CTNNA3: variants seen among roughly 807,000 people sequenced by gnomAD.
CTNNA3 encodes catenin alpha 3, also known as catenin alpha-3.
In CTNNA3, 76 loss-of-function variants were observed where a neutral mutation model predicts 95.7. That is an observed-to-expected ratio of 0.79 (90% CI 0.66 to 0.96). The LOEUF is 0.96. CTNNA3 is among the 40% of genes least tolerant of loss of function. CTNNA3 has a pLI of 0.00. For synonymous variants in CTNNA3, 431 were observed against 374.4 expected, an observed-to-expected ratio of 1.15 and a Z score of -1.74; for missense variants, 1,191 against 1,089.8, an observed-to-expected ratio of 1.09 and a Z score of -1.31.
intron 9 of CTNNA3, among the ~76,000 whole-genome samples, chr10:66,686,084 A>G (rs10740252): frequency 0.55 from 83,747 of 151,556 alleles, 23,838 homozygotes; most frequent in African/African-American, 0.68. Context: ...GCTTACGCCA[A>G]TACAGGAATT....
chr10:67,631,406 G>T (rs1254049487), intron 2 of CTNNA3, among the ~76,000 whole-genome samples: 1 of 152,128 alleles, frequency 6.6e-6, no homozygotes, highest in African/African-American at 2.4e-5. Flanking sequence ...TCAGAAGTTA[G>T]AGTGACATAA....
intron 13 of CTNNA3, among the ~76,000 whole-genome samples, chr10:66,257,263 G>A (rs1311095435): frequency 6.6e-6 from 1 of 152,142 alleles, no homozygotes; most frequent in Non-Finnish European, 1.5e-5. Flanking sequence ...ATAGATACAG[G>A]GGCCAGTTAT....
chr10:66,078,061 G>A (rs2080610498), intron 14 of CTNNA3, among the ~76,000 whole-genome samples: 1 of 151,676 alleles, frequency 6.6e-6, no homozygotes, highest in African/African-American at 2.4e-5. Context: ...TTTTCCACTT[G>A]ATATCTTACT....
chr10:66,528,652 G>A (rs980344438), intron 10 of CTNNA3, among the ~76,000 whole-genome samples: 1 of 152,152 alleles, frequency 6.6e-6, no homozygotes, highest in Admixed American at 6.5e-5. Flanking sequence ...GTAATTTCAG[G>A]TGTTTTACAG....
At chr10:67,491,290 T>A (rs551197022) in intron 5 of CTNNA3, among the ~76,000 whole-genome samples, 7 of 152,240 alleles carry the variant, frequency 4.6e-5, no homozygotes, top group Admixed American at 2.0e-4. Context: ...TATTAAAACA[T>A]TAAAAATCAA....
intron 15 of CTNNA3, among the ~76,000 whole-genome samples, chr10:66,028,554 A>G (rs2079386678): frequency 1.3e-5 from 2 of 149,360 alleles, no homozygotes; most frequent in South Asian, 4.4e-4. Context: ...ATGAGGACAC[A>G]TGGACACAGG....
chr10:67,704,525 G>A (rs997419162), intron 1 of CTNNA3, among the ~76,000 whole-genome samples: 11 of 152,198 alleles, frequency 7.2e-5, no homozygotes, highest in Non-Finnish European at 1.2e-4. Flanking sequence ...AAGCAATGGG[G>A]AAAGGATTCC....
At chr10:66,784,785 G>C (rs1454977895) in intron 7 of CTNNA3, among the ~76,000 whole-genome samples, 1 of 152,122 alleles carries the variant, frequency 6.6e-6, no homozygotes, top group East Asian at 1.9e-4. Flanking sequence ...ATTAGGGAAG[G>C]TTTATTGGAG....
At chr10:66,606,423 A>G (rs1406067225) in intron 10 of CTNNA3, among the ~76,000 whole-genome samples, 3 of 152,178 alleles carry the variant, frequency 2.0e-5, no homozygotes, top group African/African-American at 4.8e-5. Context: ...CGGACCTGAG[A>G]GACATCTACA....
At chr10:66,398,409 C>G (rs868616670) in intron 11 of CTNNA3, among the ~76,000 whole-genome samples, 3 of 151,822 alleles carry the variant, frequency 2.0e-5, no homozygotes, top group African/African-American at 7.2e-5. Context: ...GCAGTTACAA[C>G]AATTGCATGG....
intron 9 of CTNNA3, among the ~76,000 whole-genome samples, chr10:66,756,772 G>T (rs985328279): frequency 1.3e-5 from 2 of 152,062 alleles, no homozygotes; most frequent in Non-Finnish European, 2.9e-5. Flanking sequence ...TTCCCTTCCT[G>T]TATTTTACTA....
Position 66,318,276 on chromosome 10 carries a change from A to ATATGTGTGTGTGTG in CTNNA3, c.1733-37656_1733-37655insCACACACACACATA, listed in dbSNP as rs33943741. Among the ~76,000 whole-genome samples the ATATGTGTGTGTGTG allele has an allele frequency of 3.7e-3, 511 of 136,638 alleles. 5 individuals are homozygous for ATATGTGTGTGTGTG. The highest frequency in any genetic ancestry group is 7.5e-3 in the African/African-American group (277 of 37,020). 89.6% of individuals were successfully genotyped at this position (136,638 alleles called of 152,430 possible). On this transcript the variant is annotated intron_variant, in intron 12 of 17. Transcript: ENST00000433211. The stretch of plus-strand genomic sequence containing the variant: ...GTTGCTGGGAGATATATATATATAT[A>ATATGTGTGTGTGTG]TGTGTGTGTGTGTGTGTGTGTGTGT...
chr10:66,541,514 C>T (rs1050270451), intron 10 of CTNNA3, among the ~76,000 whole-genome samples: 2 of 152,080 alleles, frequency 1.3e-5, no homozygotes, highest in African/African-American at 2.4e-5. Context: ...ATATTGAATG[C>T]ATTTCTCACC....
Position 66,992,655 on chromosome 10 carries a change from T to A in CTNNA3, c.1047+187662A>T, listed in dbSNP as rs567793260. 4.6e-4 allele frequency among the ~76,000 whole-genome samples: 70 copies of A among 152,306 alleles called. 1 individual carries two copies. Among genetic ancestry groups the A allele is most frequent in the African/African-American group, 1.5e-3 (64 of 41,598 alleles). ...ATCCCAGGGTTATAGAACTATTTTC[T>A]TAAATGTTCTTATCACAGTTTTAAC... On this transcript the variant is annotated intron_variant, in intron 7 of 17. Transcript: ENST00000433211.
intron 5 of CTNNA3, among the ~76,000 whole-genome samples, chr10:67,224,560 G>A (rs1864805565): frequency 6.6e-6 from 1 of 152,160 alleles, no homozygotes. Context: ...TGCGGAAGTG[G>A]GAAAGGGAGA....
chr10:66,390,820 CA>C (rs1250329676), intron 11 of CTNNA3, among the ~76,000 whole-genome samples: 3 of 152,052 alleles, frequency 2.0e-5, no homozygotes, highest in African/African-American at 7.2e-5. Flanking sequence ...AAGATCTAAG[CA>C]AAAACTAGCT....
intron 5 of CTNNA3, among the ~76,000 whole-genome samples, chr10:67,488,945 A>G (rs1478928837): frequency 6.6e-6 from 1 of 152,190 alleles, no homozygotes; most frequent in Non-Finnish European, 1.5e-5. Flanking sequence ...CATGTTGCCC[A>G]GGCTGGTCTC....
chr10:66,307,237 T>G (rs1238493996), intron 12 of CTNNA3, among the ~76,000 whole-genome samples: 1 of 152,224 alleles, frequency 6.6e-6, no homozygotes, highest in African/African-American at 2.4e-5. Flanking sequence ...TTTTCATATA[T>G]TCATAAAGGA....
intron 11 of CTNNA3, among the ~76,000 whole-genome samples, chr10:66,402,695 C>G (rs999016079): frequency 2.0e-5 from 3 of 152,084 alleles, no homozygotes; most frequent in Non-Finnish European, 2.9e-5. Flanking sequence ...AAATAAGGAA[C>G]TTGTTAAACA....
Sources: allele counts gnomAD v4.1 joint callset (sites outside exome capture counted in the v4.1 genomes callset), GRCh38; gene constraint gnomAD v4.1.1; transcripts MANE v1.5; gene names NCBI Gene and HGNC (gene_info 2026-07-23, HGNC 2026-07-21).